Variants in COL9A3 observed in about 807,000 individuals in gnomAD.
COL9A3 encodes the protein collagen alpha-3(IX) chain.
COL9A3 carries 82 observed loss-of-function variants against 110.2 expected under a neutral mutation model. That is an observed-to-expected ratio of 0.74 (90% CI 0.62 to 0.89). COL9A3 has a LOEUF of 0.89. Ranked by LOEUF, COL9A3 falls within the 40% of genes least tolerant of loss-of-function variation. The probability of loss-of-function intolerance (pLI) is 0.00; values close to 1 mark genes in which losing one functional copy is unlikely to be tolerated. For synonymous variants in COL9A3, 494 were observed against 403.8 expected (o/e 1.22, Z -2.68); for missense variants, 1,066 against 981.3 (o/e 1.09, Z -1.15).
intron 12 of COL9A3, 65 bp downstream of exon 12, chr20:62,825,086 A>T (rs904030860): frequency 3.2e-6 from 2 of 630,642 alleles, no homozygotes; most frequent in Non-Finnish European, 5.0e-6. Context: ...GGCGGGAGGG[A>T]GGGGCTGGGC....
intron 13 of COL9A3, 101 bp downstream of exon 13, chr20:62,825,971 G>C (rs890471254): frequency 7.6e-5 from 104 of 1,363,450 alleles, no homozygotes; most frequent in Non-Finnish European, 9.8e-5. Flanking sequence ...CTCCGGCTGG[G>C]GGGTGTTTGG....
intron 2 of COL9A3, chr20:62,817,859 C>A: frequency 1.5e-6 from 1 of 666,364 alleles, no homozygotes; most frequent in Non-Finnish European, 2.8e-6. Context: ...ACCCAGAATG[C>A]CGGCACTGAG....
intron 10 of COL9A3, among the ~76,000 whole-genome samples, 159 bp from the exon 11 acceptor site, chr20:62,824,286 C>T (rs146470014): frequency 4.9e-3 from 539 of 110,598 alleles, no homozygotes; most frequent in South Asian, 7.3e-3. Context: ...GTCACTGATG[C>T]GGAGTGGCCT....
rs1452530783 is a variant in COL9A3 at position 62,822,152 on chromosome 20, T to C, written c.465T>C (p.Pro155=). The C allele has an allele frequency of 3.2e-6, 5 of 1,577,172 alleles. No individual in the cohort carries two copies. The highest frequency in any genetic ancestry group is 4.4e-6 in the Non-Finnish European group (5 of 1,147,186). Residue 155 remains proline (P), a synonymous_variant, in exon 9 of 32, where the codon CCT becomes CCC. Coordinates refer to ENST00000649368, the MANE Select transcript of COL9A3 (RefSeq NM_001853.4). ...CCGGCCTCCCTGGTCCCCCAGGACC[T>C]CCCGGACCCCCTGTAAGTACTGGGC... is the stretch of plus-strand genomic sequence containing the variant. ...GLPGLPGPPG[P]PGPPGHPGVL...
Position 62,833,105 on chromosome 20 carries a change from G to C in COL9A3, c.1368+41G>C, listed in dbSNP as rs374531888. On this transcript the variant is annotated intron_variant, in intron 26 of 31. Transcript: ENST00000649368. ...ACCTCACTGTTACCAACAGCTGGGA[G>C]CGAGGTCGCCACTGTGGCTGGGGAA... 5.2e-6 allele frequency: 8 copies of C among 1,547,080 alleles called. No homozygotes were observed. The African/African-American group carries it at 6.8e-5, about 13-fold the overall frequency.
intron 12 of COL9A3, among the ~76,000 whole-genome samples, chr20:62,825,267 C>T (rs974356555): frequency 1.3e-5 from 2 of 152,298 alleles, no homozygotes; most frequent in Admixed American, 1.3e-4. Flanking sequence ...CAGACAGGGC[C>T]TGGCTGGTCA....
rs187215790 is a variant in COL9A3, at chr20:62,825,325, G to C, written c.630+304G>C. ...TCCCTGGACAGACCCCGTCCTGCCT[G>C]GCCTCGCTGTGGAAGCTCCCTGGTT... On this transcript the variant is annotated intron_variant, in intron 12 of 31. Coordinates refer to ENST00000649368, the MANE Select transcript of COL9A3 (RefSeq NM_001853.4). 355 of 332,372 alleles carry C rather than the reference G, an allele frequency of 1.1e-3. 2 individuals carry two copies. Among genetic ancestry groups the C allele is most frequent in the Middle Eastern group, 0.01 (11 of 1,064 alleles). The allele number at this position is 332,372 out of a possible 1,614,324, so 20.6% of individuals were successfully genotyped here. A position where few individuals can be genotyped will look rare whatever the true frequency, so the allele number is the denominator to read the frequency against.
chr20:62,818,462 G>A (rs1600786538), intron 2 of COL9A3, 56 bp from the exon 3 acceptor site: 1 of 1,539,782 alleles, frequency 6.5e-7, no homozygotes, highest in Non-Finnish European at 9.0e-7. Context: ...CCCCGAGGCG[G>A]GGTTCTTGAG....
chr20:62,828,124 CCA>C lies in COL9A3; in HGVS notation c.900+153_900+154del, dbSNP rs568700723. 6.3e-4 allele frequency: 514 copies of C among 814,528 alleles called. 1 individual carries two copies. The highest frequency in any genetic ancestry group is 8.7e-4 in the Non-Finnish European group (427 of 490,776). The allele number at this position is 814,528 out of a possible 1,614,324, so 50.5% of individuals were successfully genotyped here. On this transcript the variant is annotated intron_variant, in intron 17 of 31. Transcript: ENST00000649368. ...TTAACGGTGGAACAGCCCCGCAGCC[CCA>C]CACATTTCTCTCTTGCCCAGAGCCT...
intron 10 of COL9A3, among the ~76,000 whole-genome samples, chr20:62,823,622 G>A (rs888711077): frequency 1.3e-5 from 2 of 152,244 alleles, no homozygotes; most frequent in Admixed American, 1.3e-4. Context: ...CGTGGGCTGA[G>A]TGGGGCAGGG....
chr20:62,817,455 G>C, intron 1 of COL9A3, 112 bp from the exon 2 acceptor site: 2 of 762,822 alleles, frequency 2.6e-6, no homozygotes, highest in South Asian at 1.7e-5. Context: ...GTCTCACCGA[G>C]GAGAGCGGCG....
rs1379482525 is a variant in COL9A3 at position 62,818,530 on chromosome 20, C to T, written c.160C>T (p.Pro54Ser). ...GQDGIDGEAG[P>S]PGLPGPPGPK... ...TCTTTCCTCACAGGGAGAAGCTGGT[C>T]CTCCAGGTCTGCCTGGGCCCCCGGT... Residue 54 changes from proline to serine, a missense_variant, in exon 3 of 32, where the codon CCT becomes TCT. Coordinates refer to ENST00000649368, the MANE Select transcript of COL9A3 (RefSeq NM_001853.4). 2.5e-6 allele frequency: 4 copies of T among 1,612,992 alleles called. No homozygotes were observed. Among genetic ancestry groups the T allele is most frequent in the Admixed American group, 1.7e-5 (1 of 60,012 alleles).
Position 62,840,609 on chromosome 20 carries a change from C to G in COL9A3, c.1932C>G (p.Pro644=). ...GTGCTCCCGGCGAGCCTGGGCCTCC[C>G]GGAGATCCTGGGCTTCCAGGTGCCA... ...QDGAPGEPGP[P]GDPGLPGAIG... Residue 644 remains proline, a synonymous_variant, in exon 32 of 32, where the codon CCC becomes CCG. Coordinates refer to ENST00000649368, the MANE Select transcript of COL9A3 (RefSeq NM_001853.4). The G allele has an allele frequency of 6.2e-7, 1 of 1,613,286 alleles. No homozygotes were observed. Among genetic ancestry groups the G allele is most frequent in the Non-Finnish European group, 8.5e-7 (1 of 1,179,924 alleles).
At chr20:62,833,117 CT>C in intron 26 of COL9A3, 53 bp downstream of exon 26, 1 of 1,471,290 alleles carries the variant, frequency 6.8e-7, no homozygotes, top group Non-Finnish European at 9.5e-7. Flanking sequence ...GAGGTCGCCA[CT>C]GTGGCTGGGG....
At chr20:62,836,925 C>T (rs1325456750) in intron 29 of COL9A3, 158 bp from the exon 30 acceptor site, 2 of 1,000,340 alleles carry the variant, frequency 2.0e-6, no homozygotes, top group East Asian at 2.4e-5. Context: ...TTTCTAGCTC[C>T]AGCATTCATC....
chr20:62,817,538 C>A (rs900112804), intron 1 of COL9A3, 29 bp from the exon 2 acceptor site: 6 of 1,496,456 alleles, frequency 4.0e-6, no homozygotes, highest in Non-Finnish European at 4.5e-6. Flanking sequence ...GGGGCACCTG[C>A]GCTCCTTAAT....
At chr20:62,818,659 G>A in intron 3 of COL9A3, 106 bp downstream of exon 3, 3 of 1,247,216 alleles carry the variant, frequency 2.4e-6, no homozygotes, top group Non-Finnish European at 3.5e-6. Flanking sequence ...CCGGAGCCCG[G>A]GTTGCCTGAG....
chr20:62,822,081 C>G, intron 8 of COL9A3, 30 bp from the exon 9 acceptor site: 1 of 1,418,036 alleles, frequency 7.1e-7, no homozygotes, highest in Non-Finnish European at 1.0e-6. Flanking sequence ...GGGCTGGTCC[C>G]ACTCTGTCTA....
Position 62,838,725 on chromosome 20 carries a change from G to A in COL9A3, c.1828G>A (p.Gly610Arg), listed in dbSNP as rs1299898330. ...AGGAGACAAAGGCGCGGCAGGAGCAGGGCTGGACGGGCCTGAAGGAGACCA... is the reference window on the plus strand; with the variant it reads ...AGGAGACAAAGGCGCGGCAGGAGCAAGGCTGGACGGGCCTGAAGGAGACCA... ...DRGDKGAAGA[G>R]LDGPEGDQGP... Residue 610 changes from glycine to arginine, a missense_variant, in exon 31 of 32, where the codon GGG (glycine) becomes AGG (arginine). Transcript: ENST00000649368. 1 of 1,552,458 alleles carries A rather than the reference G, an allele frequency of 6.4e-7. No homozygotes were observed. Among genetic ancestry groups the A allele is most frequent in the East Asian group, 2.4e-5 (1 of 41,016 alleles).
Sources: gnomAD v4.1 joint callset for allele counts (sites outside exome capture counted in the v4.1 genomes callset) on GRCh38, gnomAD v4.1.1 for gene constraint, MANE v1.5 for transcripts, NCBI Gene and HGNC (gene_info 2026-07-23, HGNC 2026-07-21) for gene names.